Variants in MPHOSPH8 observed in about 807,000 individuals in gnomAD.
The protein encoded by MPHOSPH8 is M-phase phosphoprotein 8, also known as M-phase phosphoprotein, mpp.
MPHOSPH8 carries 45 observed loss-of-function variants against 87.3 expected under a neutral mutation model. The ratio of observed to expected loss-of-function variants is 0.52; its 90% confidence interval spans 0.41 to 0.66. The LOEUF is 0.66. Among genes scored for constraint, MPHOSPH8 ranks in the 30% least tolerant of loss-of-function variants. The pLI, the probability that MPHOSPH8 is intolerant of heterozygous loss-of-function variation, is 0.00. For missense variants in MPHOSPH8, 883 were observed against 1,020.2 expected (o/e 0.87, Z 1.83); for synonymous variants, 366 against 376.9 (o/e 0.97, Z 0.33).
At chr13:19,656,540 A>AT in intron 5 of MPHOSPH8, among the ~76,000 whole-genome samples, 1 of 152,098 alleles carries the variant, frequency 6.6e-6, no homozygotes, top group Non-Finnish European at 1.5e-5. Flanking sequence ...CGGGTGGCTC[A>AT]TTTGAGGTCA....
chr13:19,648,533 TA>T lies in MPHOSPH8; in HGVS notation c.1318+13del, dbSNP rs775743657. 1 of 1,413,772 alleles carries T rather than the reference TA, an allele frequency of 7.1e-7. No individual in the cohort carries two copies. Among genetic ancestry groups the T allele is most frequent in the Non-Finnish European group, 9.4e-7 (1 of 1,059,162 alleles). The allele number at this position is 1,413,772 out of a possible 1,614,324, so 87.6% of individuals were successfully genotyped here. ...AAAAGGATTAAAGAGTGAGTGTAAA[TA>T]TTAACGTTTTGCCATTTACGTTGCT... On this transcript the variant is annotated intron_variant, in intron 4 of 13. Coordinates refer to ENST00000361479, the MANE Select transcript of MPHOSPH8 (RefSeq NM_017520.4).
At chr13:19,667,150 A>C (rs1307479926) in intron 10 of MPHOSPH8, among the ~76,000 whole-genome samples, 1 of 152,204 alleles carries the variant, frequency 6.6e-6, no homozygotes, top group Non-Finnish European at 1.5e-5. Flanking sequence ...CGACAGAGCA[A>C]CACTCTGTTT....
intron 5 of MPHOSPH8, among the ~76,000 whole-genome samples, chr13:19,657,638 G>A (rs1412101900): frequency 1.3e-5 from 2 of 152,090 alleles, no homozygotes; most frequent in African/African-American, 4.8e-5. Context: ...GAATGAACAT[G>A]GGTTTTGAAC....
chr13:19,665,942 C>T lies in MPHOSPH8; in HGVS notation c.2020-483C>T, dbSNP rs73434914. On this transcript the variant is annotated intron_variant, in intron 9 of 13. Coordinates refer to ENST00000361479, the MANE Select transcript of MPHOSPH8 (RefSeq NM_017520.4). ...TTTAAAGCGGCAGCTGGGGACATTT[C>T]GAGGGTGTTTTGTGGTCCTGAGAGG... Among the ~76,000 whole-genome samples the T allele has an allele frequency of 5.5e-3, 838 of 152,208 alleles. 10 individuals carry two copies. The highest frequency in any genetic ancestry group is 0.019 in the African/African-American group (775 of 41,532).
intron 3 of MPHOSPH8, among the ~76,000 whole-genome samples, chr13:19,647,877 C>A (rs1451014484): frequency 2.0e-5 from 3 of 151,970 alleles, no homozygotes. Context: ...TTAAGGAAAT[C>A]ATTTTAAAGA....
In MPHOSPH8 at chr13:19,659,018, T is replaced by C; in HGVS notation, c.1600T>C (p.Leu534=). The C allele has an allele frequency of 6.2e-7, 1 of 1,613,864 alleles. No homozygotes were observed. Among genetic ancestry groups the C allele is most frequent in the Non-Finnish European group, 8.5e-7 (1 of 1,179,978 alleles). The part of the protein sequence containing the change: ...NSDGRQQILS[L]GMDLQLEWMK... ...AGATGGCAGGCAGCAGATTCTGAGTTTGGGCATGGACCTGCAGTTGGAATG... is the reference window on the plus strand; with the variant it reads ...AGATGGCAGGCAGCAGATTCTGAGTCTGGGCATGGACCTGCAGTTGGAATG... The change falls in exon 6 of 14, where the codon TTG becomes CTG. Residue 534 remains leucine, a synonymous_variant. Coordinates refer to ENST00000361479, the MANE Select transcript of MPHOSPH8 (RefSeq NM_017520.4).
intron 5 of MPHOSPH8, among the ~76,000 whole-genome samples, chr13:19,653,772 CAAT>C (rs1379866488): frequency 2.0e-5 from 3 of 152,032 alleles, no homozygotes; most frequent in African/African-American, 7.3e-5. Context: ...ACACAAGTAT[CAAT>C]AACGAAATCG....
intron 5 of MPHOSPH8, among the ~76,000 whole-genome samples, chr13:19,656,296 AAAAAC>A (rs1340919724): frequency 6.6e-6 from 1 of 151,218 alleles, no homozygotes; most frequent in African/African-American, 2.4e-5. Context: ...AAAAAAAAAA[AAAAAC>A]TGTCGTCATC....
chr13:19,669,141 A>C (rs1227278799), intron 11 of MPHOSPH8, among the ~76,000 whole-genome samples: 1 of 152,184 alleles, frequency 6.6e-6, no homozygotes, highest in Admixed American at 6.5e-5. Context: ...CCTGCCCCTG[A>C]AAGAGCCGTT....
chr13:19,644,581 A>C (rs1874472582), intron 2 of MPHOSPH8, among the ~76,000 whole-genome samples: 1 of 152,234 alleles, frequency 6.6e-6, no homozygotes, highest in African/African-American at 2.4e-5. Flanking sequence ...CGGACGTCTC[A>C]AAGTGTGGAC....
chr13:19,661,620 A>G lies in MPHOSPH8; in HGVS notation c.1792-78A>G, dbSNP rs565215176. ...CCTATTAGTGATTTCACATTGAAAC[A>G]TCTCGAGTGAGAAGACTTGGTTCTG... On this transcript the variant is annotated intron_variant, in intron 7 of 13. Coordinates refer to ENST00000361479, the MANE Select transcript of MPHOSPH8 (RefSeq NM_017520.4). The G allele has an allele frequency of 2.6e-5, 37 of 1,437,064 alleles. No homozygotes were observed. In the African/African-American group the frequency reaches 4.7e-4, roughly 18 times the overall value. The allele number at this position is 1,437,064 out of a possible 1,614,324, so 89.0% of individuals were successfully genotyped here.
rs1876192326 is a variant in MPHOSPH8 at position 19,672,499 on chromosome 13, A to AT, written c.*624_*625insT. The AT allele has an allele frequency of 1.4e-5, 1 of 70,936 alleles. No individual in the cohort carries two copies. 4.4% of individuals were successfully genotyped at this position (70,936 alleles called of 1,614,324 possible). A position where few individuals can be genotyped will look rare whatever the true frequency, so the allele number is the denominator to read the frequency against. ...CTAGCCCTGGTGAACTTCTGTGCTT[A>AT]AAAAAAAAAAAAAAAAAAGGAAAAA... is the stretch of plus-strand genomic sequence containing the variant. On this transcript the variant is annotated 3_prime_UTR_variant, in exon 14 of 14. Coordinates refer to ENST00000361479, the MANE Select transcript of MPHOSPH8 (RefSeq NM_017520.4).
intron 5 of MPHOSPH8, among the ~76,000 whole-genome samples, chr13:19,656,402 A>G (rs1875177109): frequency 6.6e-6 from 1 of 152,178 alleles, no homozygotes; most frequent in Non-Finnish European, 1.5e-5. Context: ...CAGTGACAAA[A>G]GCCAATTTTC....
intron 1 of MPHOSPH8, among the ~76,000 whole-genome samples, chr13:19,634,844 C>T (rs1873908041): frequency 6.6e-6 from 1 of 152,158 alleles, no homozygotes; most frequent in African/African-American, 2.4e-5. Flanking sequence ...ACAAAGGTCC[C>T]ACAGTGGTCA....
intron 5 of MPHOSPH8, among the ~76,000 whole-genome samples, chr13:19,651,225 C>G (rs1874829370): frequency 6.6e-6 from 1 of 152,162 alleles, no homozygotes; most frequent in East Asian, 1.9e-4. Flanking sequence ...CAATTTCTTA[C>G]CAGTTGATTT....
intron 11 of MPHOSPH8, among the ~76,000 whole-genome samples, 167 bp downstream of exon 11, chr13:19,668,698 A>C (rs555287739): frequency 2.0e-5 from 3 of 152,338 alleles, no homozygotes; most frequent in Non-Finnish European, 4.4e-5. Flanking sequence ...AGAGACATCC[A>C]GCTGACACCC....
intron 2 of MPHOSPH8, among the ~76,000 whole-genome samples, chr13:19,644,688 C>G (rs753751513): frequency 1.3e-5 from 2 of 152,210 alleles, no homozygotes; most frequent in Non-Finnish European, 2.9e-5. Flanking sequence ...TCACTGACTT[C>G]TTTTGTTTCC....
Position 19,668,468 on chromosome 13 carries a change from C to G in MPHOSPH8, c.2266C>G (p.Leu756Val). 6.2e-7 allele frequency: 1 copy of G among 1,614,172 alleles called. No homozygotes were observed. The highest frequency in any genetic ancestry group is 8.5e-7 in the Non-Finnish European group (1 of 1,180,002). ...EPVFPIACHR[L>V]CEGPDFSTDF... is the part of the protein sequence containing the mutation. ...AGTTTTTCCAATCGCATGTCATCGA[C>G]TCTGTGAGGGTCCAGATTTTTCAAC... The change falls in exon 11 of 14, where the codon CTC becomes GTC. Residue 756 changes from leucine to valine, a missense_variant. Physicochemically the swap from Leu to Val is conservative, Grantham distance 32. Transcript: ENST00000361479.
chr13:19,634,845 A>G (rs911000075), intron 1 of MPHOSPH8, among the ~76,000 whole-genome samples: 3 of 152,230 alleles, frequency 2.0e-5, no homozygotes, highest in African/African-American at 7.2e-5. Context: ...CAAAGGTCCC[A>G]CAGTGGTCAT....
Sources: allele counts gnomAD v4.1 joint callset (sites outside exome capture counted in the v4.1 genomes callset), GRCh38; gene constraint gnomAD v4.1.1; transcripts MANE v1.5; gene names NCBI Gene and HGNC (gene_info 2026-07-23, HGNC 2026-07-21).